Variants in ANKRD24 observed in about 807,000 individuals in gnomAD.
The protein encoded by ANKRD24 is ankyrin repeat domain-containing protein 24.
ANKRD24 carries 109 observed loss-of-function variants against 127.8 expected under a neutral mutation model. The observed-to-expected ratio is 0.85, with a 90% CI of 0.73 to 1.00. ANKRD24 has a LOEUF of 1.00. Ranked by LOEUF, ANKRD24 falls within the 50% of genes least tolerant of loss-of-function variation. ANKRD24 has a pLI of 0.00. For missense variants in ANKRD24, 1,648 were observed against 1,570.2 expected (o/e 1.05, Z -0.84); for synonymous variants, 743 against 671.1 (o/e 1.11, Z -1.66).
chr19:4,219,874 G>A (rs1487451639), intron 19 of ANKRD24, 116 bp downstream of exon 19: 5 of 1,221,508 alleles, frequency 4.1e-6, no homozygotes, highest in Non-Finnish European at 5.5e-6. Context: ...TTTTCCAGAA[G>A]GGAAACTGAG....
chr19:4,194,279 A>T (rs1451191668), intron 2 of ANKRD24, among the ~76,000 whole-genome samples: 1 of 152,090 alleles, frequency 6.6e-6, no homozygotes, highest in East Asian at 1.9e-4. Flanking sequence ...CAGACTCCCG[A>T]GCAGCTGGGA....
chr19:4,188,378 ATTTTTTT>A (rs34131628), intron 2 of ANKRD24, among the ~76,000 whole-genome samples: 4 of 83,596 alleles, frequency 4.8e-5, no homozygotes, highest in Admixed American at 1.5e-4. Flanking sequence ...CGCTTGGTCC[ATTTTTTT>A]TTTTTTTTTT....
chr19:4,191,073 G>C (rs374387314), intron 2 of ANKRD24, among the ~76,000 whole-genome samples: 1 of 152,176 alleles, frequency 6.6e-6, no homozygotes, highest in East Asian at 1.9e-4. Context: ...GGGCCTCTGA[G>C]AGTGTCTGGA....
At chr19:4,200,626 C>A (rs772266118) in intron 5 of ANKRD24, among the ~76,000 whole-genome samples, 2 of 152,032 alleles carry the variant, frequency 1.3e-5, no homozygotes, top group Non-Finnish European at 2.9e-5. Flanking sequence ...CTCAAGGGAT[C>A]CCCTCCAACC....
intron 6 of ANKRD24, among the ~76,000 whole-genome samples, chr19:4,202,478 G>A (rs1287340807): frequency 1.3e-5 from 2 of 152,076 alleles, no homozygotes; most frequent in Non-Finnish European, 2.9e-5. Flanking sequence ...GCTGAGGCAG[G>A]AGAATCCCTT....
chr19:4,218,456 C>T (rs1317407883), intron 18 of ANKRD24, among the ~76,000 whole-genome samples: 1 of 151,862 alleles, frequency 6.6e-6, no homozygotes, highest in Non-Finnish European at 1.5e-5. Flanking sequence ...CCTGCCCCCA[C>T]GCCCAGCTAA....
At chr19:4,190,090 C>T (rs113929914) in intron 2 of ANKRD24, among the ~76,000 whole-genome samples, 1,776 of 152,210 alleles carry the variant, frequency 0.012, 15 homozygotes, top group Middle Eastern at 0.024. Flanking sequence ...CTCAATTCCT[C>T]GATGATAGTT....
chr19:4,202,980 G>C, intron 7 of ANKRD24, 54 bp downstream of exon 7: 4 of 1,472,286 alleles, frequency 2.7e-6, no homozygotes, highest in Non-Finnish European at 3.7e-6. Flanking sequence ...TGCTAGACTT[G>C]GGGGTTATTC....
At chr19:4,183,378 A>C (rs2145195111) in intron 1 of ANKRD24, 4 of 983,100 alleles carry the variant, frequency 4.1e-6, no homozygotes, top group Non-Finnish European at 4.8e-6. Flanking sequence ...TCATTTAAGA[A>C]TCATGTGTTG....
chr19:4,217,697 A>G lies in ANKRD24; in HGVS notation c.2537A>G (p.Gln846Arg). ...CAGCGGGAGGAGGCGCGGCTGGAGC[A>G]GAGCCGGGAGCTGGAGGTTCTGCGG... Reference protein sequence around the residue: ...LAQREEARLEQSRELEVLREQ... With the variant: ...LAQREEARLERSRELEVLREQ... The change falls in exon 18 of 22, where the codon CAG becomes CGG. Residue 846 changes from glutamine (Q) to arginine (R), a missense_variant. Physicochemically the swap from Gln to Arg is conservative, Grantham distance 43. Coordinates refer to ENST00000318934, the MANE Select transcript of ANKRD24 (RefSeq NM_001393985.1). 1 of 1,288,664 alleles carries G rather than the reference A, an allele frequency of 7.8e-7. No homozygotes were observed. The highest frequency in any genetic ancestry group is 9.8e-7 in the Non-Finnish European group (1 of 1,022,636). The allele number at this position is 1,288,664 out of a possible 1,614,324, so 79.8% of individuals were successfully genotyped here. A position where few individuals can be genotyped will look rare whatever the true frequency, so the allele number is the denominator to read the frequency against.
chr19:4,210,790 C>T (rs1336958273), intron 13 of ANKRD24, among the ~76,000 whole-genome samples: 3 of 146,922 alleles, frequency 2.0e-5, no homozygotes, highest in South Asian at 2.2e-4. Context: ...ACCACCCCCC[C>T]GGCCAACTCG....
At chr19:4,192,867 G>A (rs985506162) in intron 2 of ANKRD24, among the ~76,000 whole-genome samples, 7 of 152,116 alleles carry the variant, frequency 4.6e-5, no homozygotes, top group Admixed American at 3.9e-4. Context: ...CCAGGAGGTC[G>A]AGGCTACAGT....
intron 19 of ANKRD24, among the ~76,000 whole-genome samples, chr19:4,220,903 C>CA (rs1970406732): frequency 7.4e-6 from 1 of 135,148 alleles, no homozygotes; most frequent in Non-Finnish European, 1.6e-5. Flanking sequence ...AGCCAGAAAG[C>CA]TTTTTTTTTT....
intron 2 of ANKRD24, among the ~76,000 whole-genome samples, chr19:4,196,520 G>A (rs573165045): frequency 5.3e-4 from 80 of 152,140 alleles, no homozygotes; most frequent in South Asian, 1.2e-3. Context: ...GATTACAGGC[G>A]CCCGCTACCA....
In ANKRD24 at chr19:4,223,393, A is replaced by T. The variant is rs1462436868; in HGVS notation, c.3297+598A>T. ...CATACATATATATATATATATATAT[A>T]TATATATATTTTTTTTTTTTTTTTT... On this transcript the variant is annotated intron_variant, in intron 20 of 21. Coordinates refer to ENST00000318934, the MANE Select transcript of ANKRD24 (RefSeq NM_001393985.1). 1.4e-3 allele frequency among the ~76,000 whole-genome samples: 111 copies of T among 78,850 alleles called. 1 individual carries two copies. The highest frequency in any genetic ancestry group is 4.9e-3 in the African/African-American group (71 of 14,358). 51.7% of individuals were successfully genotyped at this position (78,850 alleles called of 152,430 possible). A position where few individuals can be genotyped will look rare whatever the true frequency, so the allele number is the denominator to read the frequency against.
chr19:4,205,054 G>A (rs918965318), intron 7 of ANKRD24, among the ~76,000 whole-genome samples: 14 of 152,132 alleles, frequency 9.2e-5, no homozygotes, highest in East Asian at 1.9e-4. Context: ...TGGCCAACAC[G>A]GTGAAACCCT....
At chr19:4,200,273 G>A in intron 5 of ANKRD24, 102 bp downstream of exon 5, 3 of 1,245,032 alleles carry the variant, frequency 2.4e-6, no homozygotes, top group Non-Finnish European at 3.3e-6. Context: ...GTTCCCCGCT[G>A]AAAAAAGGGG....
chr19:4,182,886 T>G (rs983743438), intron 1 of ANKRD24, 146 bp downstream of exon 1: 8 of 420,620 alleles, frequency 1.9e-5, no homozygotes, highest in African/African-American at 1.7e-4. Context: ...ATTAGTAAAT[T>G]CCGTAAGGAC....
intron 2 of ANKRD24, among the ~76,000 whole-genome samples, chr19:4,194,997 T>C (rs547259671): frequency 6.6e-6 from 1 of 152,202 alleles, no homozygotes; most frequent in South Asian, 2.1e-4. Flanking sequence ...AGATGGAGTC[T>C]CGCTGTGTCT....
Sources: allele counts gnomAD v4.1 joint callset (sites outside exome capture counted in the v4.1 genomes callset), GRCh38; gene constraint gnomAD v4.1.1; transcripts MANE v1.5; gene names NCBI Gene and HGNC (gene_info 2026-07-23, HGNC 2026-07-21).